The following MICAL2 variants were observed in gnomAD, a reference collection of about 807,000 sequenced individuals.
MICAL2 encodes the protein [F-actin]-monooxygenase MICAL2.
MICAL2 carries 77 observed loss-of-function variants against 127.3 expected under a neutral mutation model. The ratio of observed to expected loss-of-function variants is 0.60; its 90% CI spans 0.50 to 0.73. The LOEUF is 0.73. MICAL2 is among the 30% of genes least tolerant of loss of function. MICAL2 has a pLI of 0.00. For synonymous variants in MICAL2, 570 were observed against 551.1 expected, an observed-to-expected ratio of 1.03 and a Z score of -0.48; for missense variants, 1,351 against 1,434.4, an observed-to-expected ratio of 0.94 and a Z score of 0.94.
At chr11:12,279,084 C>T (rs1379581032) in intron 1 of MICAL2, among the ~76,000 whole-genome samples, 3 of 152,120 alleles carry the variant, frequency 2.0e-5, no homozygotes, top group Non-Finnish European at 2.9e-5. Flanking sequence ...GGCATTTGAA[C>T]ATTCAGTAGG....
chr11:12,245,860 G>A (rs1268304368), intron 21 of MICAL2, among the ~76,000 whole-genome samples: 2 of 152,260 alleles, frequency 1.3e-5, no homozygotes, highest in Non-Finnish European at 2.9e-5. Flanking sequence ...TACGGGAAAA[G>A]GTCATGGCAC....
At chr11:12,155,181 G>A (rs1854020760) in intron 2 of MICAL2, among the ~76,000 whole-genome samples, 1 of 152,182 alleles carries the variant, frequency 6.6e-6, no homozygotes, top group African/African-American at 2.4e-5. Flanking sequence ...GTTCTGGAAG[G>A]TCCTTGAAGA....
At chr11:12,191,735 C>T (rs943596623) in intron 3 of MICAL2, among the ~76,000 whole-genome samples, 3 of 151,980 alleles carry the variant, frequency 2.0e-5, no homozygotes, top group Admixed American at 6.6e-5. Context: ...CCACTGCACT[C>T]CAGCTTGGGC....
chr11:12,326,037 C>T (rs993062012), intron 31 of MICAL2, among the ~76,000 whole-genome samples: 1 of 152,210 alleles, frequency 6.6e-6, no homozygotes, highest in African/African-American at 2.4e-5. Flanking sequence ...GACTTAAGCA[C>T]TCATAGCTGG....
rs1354249892 is a variant in MICAL2, at chr11:12,138,377, C to T, written c.-148-13C>T. On this transcript the variant is annotated splice_polypyrimidine_tract_variant and intron_variant, in intron 1 of 27. Transcript: ENST00000683283. ...TGTCACTGACATTAATTGTTGGGCT[C>T]TTGTTTTTAAAGGAACATGGCAACC... 6.6e-6 allele frequency: 1 copy of T among 152,192 alleles called. No homozygotes were observed. The highest frequency in any genetic ancestry group is 1.5e-5 in the Non-Finnish European group (1 of 68,044). The allele number at this position is 152,192 out of a possible 1,614,324, so 9.4% of individuals were successfully genotyped here.
intron 3 of MICAL2, among the ~76,000 whole-genome samples, chr11:12,178,038 A>T (rs1590202694): frequency 6.6e-6 from 1 of 152,246 alleles, no homozygotes; most frequent in Non-Finnish European, 1.5e-5. Context: ...CAGCTTCAGG[A>T]TGAAGGCTGC....
intron 21 of MICAL2, among the ~76,000 whole-genome samples, chr11:12,245,122 C>T (rs1860551128): frequency 6.6e-6 from 1 of 152,266 alleles, no homozygotes; most frequent in Non-Finnish European, 1.5e-5. Context: ...GAGGGTCTGT[C>T]TTCTGGGAAG....
At chr11:12,288,987 C>T (rs1008164202), downstream of MICAL2, among the ~76,000 whole-genome samples, 10 of 152,256 alleles carry the variant, frequency 6.6e-5, no homozygotes, top group Non-Finnish European at 7.3e-5. Context: ...TACCATCCCT[C>T]CTGTCCAGAG....
chr11:12,264,241 G>C (rs1208457112), downstream of MICAL2, among the ~76,000 whole-genome samples: 1 of 152,196 alleles, frequency 6.6e-6, no homozygotes, highest in East Asian at 1.9e-4. Context: ...TGAGTGGCAA[G>C]TGGAAGGTAA....
At chr11:12,193,931 C>T (rs891969696) in intron 3 of MICAL2, among the ~76,000 whole-genome samples, 1 of 152,242 alleles carries the variant, frequency 6.6e-6, no homozygotes, top group Non-Finnish European at 1.5e-5. Flanking sequence ...CATTTTGCCT[C>T]TGGACCTCAA....
chr11:12,292,433 T>C, downstream of MICAL2: 1 of 938,952 alleles, frequency 1.1e-6, no homozygotes, highest in Admixed American at 2.2e-5. Flanking sequence ...GAAGATACTC[T>C]GTCAAGGGTC....
intron 3 of MICAL2, among the ~76,000 whole-genome samples, chr11:12,194,803 G>C (rs982839738): frequency 2.0e-5 from 3 of 152,146 alleles, no homozygotes; most frequent in African/African-American, 7.2e-5. Context: ...AATTTACAGG[G>C]TCAGTTAGAA....
At chr11:12,128,291 T>A (rs1851115657) in intron 1 of MICAL2, among the ~76,000 whole-genome samples, 1 of 152,218 alleles carries the variant, frequency 6.6e-6, no homozygotes, top group Non-Finnish European at 1.5e-5. Context: ...TCTTCCTATT[T>A]AACAGTTGTT....
chr11:12,237,474 C>T (rs1590549303), intron 16 of MICAL2, among the ~76,000 whole-genome samples: 1 of 152,132 alleles, frequency 6.6e-6, no homozygotes, highest in Non-Finnish European at 1.5e-5. Context: ...GGGATTTGCT[C>T]CTGCCTATTC....
At chr11:12,318,463 A>G (rs1864255719) in intron 29 of MICAL2, among the ~76,000 whole-genome samples, 2 of 152,206 alleles carry the variant, frequency 1.3e-5, no homozygotes, top group Admixed American at 1.3e-4. Flanking sequence ...ATAACAACAT[A>G]TGTAAATGTG....
chr11:12,250,941 A>C (rs1861451369), intron 22 of MICAL2, among the ~76,000 whole-genome samples: 1 of 152,178 alleles, frequency 6.6e-6, no homozygotes, highest in African/African-American at 2.4e-5. Context: ...CACCAGGGTG[A>C]CTTATCTAGG....
At chr11:12,291,938 G>A (rs1413693020), downstream of MICAL2, among the ~76,000 whole-genome samples, 1 of 152,034 alleles carries the variant, frequency 6.6e-6, no homozygotes, top group African/African-American at 2.4e-5. Flanking sequence ...TCTCACCCTG[G>A]GACTTCCTTT....
At chr11:12,141,879 T>A (rs560984923) in intron 2 of MICAL2, among the ~76,000 whole-genome samples, 3 of 152,152 alleles carry the variant, frequency 2.0e-5, no homozygotes, top group Non-Finnish European at 2.9e-5. Flanking sequence ...ACAACCAATA[T>A]GAAAAGGGGA....
chr11:12,210,495 C>T (rs115363009), intron 6 of MICAL2, among the ~76,000 whole-genome samples: 8 of 152,262 alleles, frequency 5.3e-5, no homozygotes, highest in African/African-American at 7.2e-5. Flanking sequence ...ATCTGTGGGC[C>T]GCCTGGCTCA....
Sources: gnomAD v4.1 joint callset for allele counts (sites outside exome capture counted in the v4.1 genomes callset) on GRCh38, gnomAD v4.1.1 for gene constraint, MANE v1.5 for transcripts, NCBI Gene and HGNC (gene_info 2026-07-23, HGNC 2026-07-21) for gene names.